The following ATXN7 variants were observed in gnomAD, a reference collection of about 807,000 sequenced individuals.
ATXN7 encodes ataxin-7.
A neutral mutation model predicts 70.5 loss-of-function variants in ATXN7; 12 were observed. The ratio of observed to expected loss-of-function variants is 0.17; its 90% CI spans 0.11 to 0.28. ATXN7 has a LOEUF of 0.28. Ranked by LOEUF, ATXN7 falls within the 10% of genes least tolerant of loss-of-function variation. ATXN7 has a pLI of 1.00. For missense variants in ATXN7, 1,256 were observed against 1,131.7 expected (o/e 1.11, Z -1.58); for synonymous variants, 498 against 448.7 (o/e 1.11, Z -1.39).
At chr3:63,955,253 A>C (rs914600100) in intron 5 of ATXN7, among the ~76,000 whole-genome samples, 1 of 152,202 alleles carries the variant, frequency 6.6e-6, no homozygotes, top group Non-Finnish European at 1.5e-5. Context: ...CAAGGGAAAT[A>C]TTAAAGATAT....
chr3:63,956,844 AT>A (rs2075047740), intron 5 of ATXN7, among the ~76,000 whole-genome samples: 1 of 152,212 alleles, frequency 6.6e-6, no homozygotes, highest in Non-Finnish European at 1.5e-5. Context: ...TGTGCTGCAA[AT>A]GTCACATTAA....
Position 63,999,991 on chromosome 3 carries a change from A to G in ATXN7, c.*524A>G, listed in dbSNP as rs115253214. 4.4e-3 allele frequency: 696 copies of G among 158,552 alleles called. 3 individuals are homozygous for G. The highest frequency in any genetic ancestry group is 0.015 in the African/African-American group (622 of 41,664). 9.8% of individuals were successfully genotyped at this position (158,552 alleles called of 1,614,324 possible). ...GGCTGCATCCCGAGCAACCCTCTGA[A>G]GAAGGGAATTAGGCTTTAGATTTTG... On this transcript the variant is annotated 3_prime_UTR_variant, in exon 13 of 13. Coordinates refer to ENST00000674280, the MANE Select transcript of ATXN7 (RefSeq NM_001377405.1).
intron 6 of ATXN7, chr3:63,980,420 C>A (rs2075466146): frequency 1.9e-6 from 1 of 530,452 alleles, no homozygotes. Flanking sequence ...AAACCTAACT[C>A]TATGTGTGTA....
intron 4 of ATXN7, among the ~76,000 whole-genome samples, chr3:63,941,328 G>A (rs2074763835): frequency 6.6e-6 from 1 of 152,188 alleles, no homozygotes; most frequent in Non-Finnish European, 1.5e-5. Context: ...TTGGGAGAGA[G>A]AGAGGAATGA....
intron 4 of ATXN7, among the ~76,000 whole-genome samples, chr3:63,917,284 A>AAAT (rs1704319437): frequency 1.3e-5 from 2 of 152,164 alleles, no homozygotes; most frequent in African/African-American, 4.8e-5. Flanking sequence ...AACGTTTTTG[A>AAAT]AATGATTAAG....
chr3:63,924,234 C>T (rs918961383), intron 4 of ATXN7, among the ~76,000 whole-genome samples: 11 of 152,050 alleles, frequency 7.2e-5, no homozygotes, highest in African/African-American at 2.2e-4. Flanking sequence ...GGAATGCTGG[C>T]GAATGTGGGA....
At chr3:63,869,599 A>G (rs143006083) in intron 1 of ATXN7, among the ~76,000 whole-genome samples, 3,764 of 151,992 alleles carry the variant, frequency 0.025, 149 homozygotes, top group African/African-American at 0.084. Context: ...TCATTTTTGT[A>G]TTTTTAGTAG....
At chr3:63,980,444 C>A in intron 6 of ATXN7, 2 of 439,638 alleles carry the variant, frequency 4.5e-6, no homozygotes, top group South Asian at 6.1e-5. Flanking sequence ...TGTCACTTAT[C>A]ACAACAACCC....
intron 1 of ATXN7, among the ~76,000 whole-genome samples, chr3:63,878,916 G>A (rs1702825096): frequency 6.6e-6 from 1 of 152,124 alleles, no homozygotes; most frequent in South Asian, 2.1e-4. Context: ...TCTTTTTCCA[G>A]TGCCTTCTAT....
chr3:63,999,489 G>A lies in ATXN7; in HGVS notation c.*22G>A, dbSNP rs769503307. 12 of 1,613,674 alleles carry A rather than the reference G, an allele frequency of 7.4e-6. No homozygotes were observed. The East Asian group carries it at 2.2e-4, about 30-fold the overall frequency. ...CTGACAGCTGAAAATAGCACGGGGA[G>A]GAATAATGCGGACACTTTTGAGGAC... On this transcript the variant is annotated 3_prime_UTR_variant, in exon 13 of 13. Transcript: ENST00000674280.
chr3:63,962,976 C>T (rs368724937), intron 5 of ATXN7, among the ~76,000 whole-genome samples: 1 of 146,706 alleles, frequency 6.8e-6, no homozygotes, highest in Admixed American at 6.9e-5. Context: ...AGTGCAGTGG[C>T]GTGATCTTGG....
Position 63,913,172 on chromosome 3 carries a change from A to C in ATXN7, c.341A>C (p.Glu114Ala). ...TATCTCCTAGGGACAGAATTGGACG[A>C]AAGTTTCAAGGAGTTTGGGAAAAAC... The part of the protein sequence containing the change: ...LPGKDGTELD[E>A]SFKEFGKNRE... Residue 114 changes from glutamate to alanine, a missense_variant, in exon 4 of 13, where the codon GAA becomes GCA. By Grantham distance (107) the Glu-to-Ala change is moderately radical. Transcript: ENST00000674280. 1 of 1,613,910 alleles carries C rather than the reference A, an allele frequency of 6.2e-7. No individual in the cohort carries two copies. Among genetic ancestry groups the C allele is most frequent in the Non-Finnish European group, 8.5e-7 (1 of 1,179,954 alleles).
intron 1 of ATXN7, among the ~76,000 whole-genome samples, chr3:63,881,214 C>A (rs1211799257): frequency 2.6e-5 from 4 of 151,514 alleles, no homozygotes; most frequent in African/African-American, 4.8e-5. Context: ...CTGTTTAATT[C>A]AAAAAAATGG....
intron 1 of ATXN7, among the ~76,000 whole-genome samples, chr3:63,888,783 A>G (rs752628970): frequency 7.9e-5 from 12 of 152,140 alleles, no homozygotes; most frequent in Non-Finnish European, 1.6e-4. Context: ...TCAAAAATAA[A>G]AATTAAAAAA....
intron 4 of ATXN7, among the ~76,000 whole-genome samples, chr3:63,945,963 C>G (rs1375073190): frequency 1.3e-5 from 2 of 152,200 alleles, no homozygotes; most frequent in Non-Finnish European, 2.9e-5. Context: ...TAACCAGATG[C>G]AGAGAGGCAG....
chr3:63,980,021 A>T lies in ATXN7; in HGVS notation c.606A>T (p.Gly202=). 3.7e-6 allele frequency: 6 copies of T among 1,614,210 alleles called. No homozygotes were observed. The highest frequency in any genetic ancestry group is 5.1e-6 in the Non-Finnish European group (6 of 1,180,040). ...LSKSKGGSAS[G]SNRSSSGGVL... is the part of the protein sequence containing the mutation. ...AAAGCAAAGGAGGCAGTGCAAGTGG[A>T]AGCAACCGTTCTTCCAGTGGAGGTG... The change falls in exon 6 of 13, where the codon GGA becomes GGT. Residue 202 remains glycine, a synonymous_variant. Transcript: ENST00000674280.
chr3:63,942,788 T>G (rs1000773376), intron 4 of ATXN7, among the ~76,000 whole-genome samples: 3 of 152,222 alleles, frequency 2.0e-5, no homozygotes, highest in African/African-American at 7.2e-5. Context: ...ACAAAAGTTT[T>G]ATGTGTGGTA....
At position 64,000,518 on chromosome 3, in the gene ATXN7, G is replaced by A. The variant is rs1004846339; in HGVS notation, c.*1051G>A. On this transcript the variant is annotated 3_prime_UTR_variant, in exon 13 of 13. Coordinates refer to ENST00000674280, the MANE Select transcript of ATXN7 (RefSeq NM_001377405.1). ...TACATTACCCTTGTTTTTCTCTTTG[G>A]ATACTGTCCTGGGACTAAGTGTAGA... 6.6e-6 allele frequency: 1 copy of A among 152,476 alleles called. No homozygotes were observed. Among genetic ancestry groups the A allele is most frequent in the South Asian group, 2.1e-4 (1 of 4,822 alleles). The allele number at this position is 152,476 out of a possible 1,614,324, so 9.4% of individuals were successfully genotyped here.
At chr3:63,879,361 C>T (rs375187123) in intron 1 of ATXN7, among the ~76,000 whole-genome samples, 5 of 152,018 alleles carry the variant, frequency 3.3e-5, no homozygotes, top group Non-Finnish European at 5.9e-5. Context: ...ATGAACTGTA[C>T]AAGTGATTTA....
Sources: allele counts gnomAD v4.1 joint callset (sites outside exome capture counted in the v4.1 genomes callset), GRCh38; gene constraint gnomAD v4.1.1; transcripts MANE v1.5; gene names NCBI Gene and HGNC (gene_info 2026-07-23, HGNC 2026-07-21).